The following AUTS2 variants were observed in gnomAD, a reference collection of about 807,000 sequenced individuals.
AUTS2 encodes activator of transcription and developmental regulator AUTS2.
A neutral mutation model predicts 112.4 loss-of-function variants in AUTS2; 17 were observed. That is an observed-to-expected ratio of 0.15 (90% CI 0.10 to 0.23). The LOEUF (loss-of-function observed/expected upper bound fraction) is 0.23, where lower values mean the gene tolerates loss of function less well. AUTS2 is among the 10% of genes least tolerant of loss of function. AUTS2 has a pLI of 1.00. For missense variants in AUTS2, 1,510 were observed against 1,701.6 expected (o/e 0.89, Z 1.98); for synonymous variants, 751 against 702.7 (o/e 1.07, Z -1.09).
chr7:70,318,315 C>T (rs1790094974), intron 4 of AUTS2, among the ~76,000 whole-genome samples: 1 of 151,832 alleles, frequency 6.6e-6, no homozygotes. Flanking sequence ...GTGTGAGGAG[C>T]AAGGACGTGG....
At chr7:69,996,645 C>T (rs1032316935) in intron 2 of AUTS2, among the ~76,000 whole-genome samples, 1 of 152,098 alleles carries the variant, frequency 6.6e-6, no homozygotes, top group Non-Finnish European at 1.5e-5. Context: ...CTTCCCTTTC[C>T]TTCCGTTCCA....
chr7:70,466,999 A>T (rs1485692320), intron 5 of AUTS2, among the ~76,000 whole-genome samples: 1 of 152,234 alleles, frequency 6.6e-6, no homozygotes, highest in Non-Finnish European at 1.5e-5. Context: ...CTTCTTGGAG[A>T]TCAAATAAGC....
chr7:70,354,435 GCATACTCTGTGC>G (rs1791901192), intron 4 of AUTS2, among the ~76,000 whole-genome samples: 1 of 152,194 alleles, frequency 6.6e-6, no homozygotes. Flanking sequence ...GCTACTAAGT[GCATACTCTGTGC>G]CAGGCTTTGT....
chr7:70,590,903 T>TG (rs1802911891), intron 5 of AUTS2, among the ~76,000 whole-genome samples: 2 of 152,236 alleles, frequency 1.3e-5, no homozygotes, highest in African/African-American at 2.4e-5. Flanking sequence ...AATGTTTCAT[T>TG]GTATTGATAT....
chr7:70,451,844 C>T (rs1282709316), intron 5 of AUTS2, among the ~76,000 whole-genome samples: 1 of 152,086 alleles, frequency 6.6e-6, no homozygotes, highest in Non-Finnish European at 1.5e-5. Flanking sequence ...AGCCTGAGAT[C>T]CTATTGCTTT....
intron 2 of AUTS2, among the ~76,000 whole-genome samples, chr7:69,922,439 A>C (rs1374226358): frequency 6.6e-6 from 1 of 152,256 alleles, no homozygotes; most frequent in Non-Finnish European, 1.5e-5. Flanking sequence ...GACTTTAGAA[A>C]TGGCTTAAGC....
At chr7:69,729,362 T>C (rs1399854276) in intron 1 of AUTS2, among the ~76,000 whole-genome samples, 1 of 151,532 alleles carries the variant, frequency 6.6e-6, no homozygotes, top group African/African-American at 2.4e-5. Context: ...AGAGAAAACT[T>C]ATCTTTAAGA....
At position 70,504,798 on chromosome 7, in the gene AUTS2, G is replaced by A. The variant is rs1311866639; in HGVS notation, c.690+69017G>A. ...CACAGGTTTTATTGTGAAATTGTCAGGAAGGATGAGGCATGTTTCACTCAT... is the reference window on the plus strand; with the variant it reads ...CACAGGTTTTATTGTGAAATTGTCAAGAAGGATGAGGCATGTTTCACTCAT... On this transcript the variant is annotated intron_variant, in intron 5 of 18. Coordinates refer to ENST00000342771, the MANE Select transcript of AUTS2 (RefSeq NM_015570.4). Among the ~76,000 whole-genome samples the A allele has an allele frequency of 2.0e-5, 3 of 152,156 alleles. No homozygotes were observed. The East Asian group carries it at 5.8e-4, about 29-fold the overall frequency.
At chr7:70,590,142 G>GTC (rs1802872136) in intron 5 of AUTS2, among the ~76,000 whole-genome samples, 1 of 121,212 alleles carries the variant, frequency 8.3e-6, no homozygotes, top group Non-Finnish European at 1.8e-5. Context: ...GTGTGTGTGT[G>GTC]TGTGTGTGTA....
At chr7:70,225,914 A>G (rs1239071754) in intron 4 of AUTS2, among the ~76,000 whole-genome samples, 2 of 152,154 alleles carry the variant, frequency 1.3e-5, no homozygotes, top group African/African-American at 2.4e-5. Context: ...TGTCCATCAA[A>G]ATCTTACAGT....
intron 1 of AUTS2, among the ~76,000 whole-genome samples, chr7:69,835,372 A>G (rs1791676475): frequency 1.3e-5 from 2 of 152,196 alleles, no homozygotes; most frequent in Non-Finnish European, 2.9e-5. Flanking sequence ...AGAAAATATC[A>G]TAAATAGATC....
At chr7:70,232,848 C>T (rs376425074) in intron 4 of AUTS2, among the ~76,000 whole-genome samples, 19 of 152,288 alleles carry the variant, frequency 1.2e-4, no homozygotes, top group African/African-American at 4.6e-4. Flanking sequence ...CTTGACAACA[C>T]AGGTAGCAGT....
intron 2 of AUTS2, among the ~76,000 whole-genome samples, chr7:69,982,175 A>C (rs1798321870): frequency 6.6e-6 from 1 of 152,206 alleles, no homozygotes; most frequent in South Asian, 2.1e-4. Flanking sequence ...GAGAGGAAAT[A>C]AACGGGTTTA....
chr7:69,667,478 C>T (rs1796114769), intron 1 of AUTS2, among the ~76,000 whole-genome samples: 1 of 151,466 alleles, frequency 6.6e-6, no homozygotes, highest in South Asian at 2.1e-4. Flanking sequence ...GCCTCAGCCT[C>T]CTGCGTAGTT....
At chr7:69,805,474 C>G (rs550813972) in intron 1 of AUTS2, among the ~76,000 whole-genome samples, 2 of 152,038 alleles carry the variant, frequency 1.3e-5, no homozygotes, top group African/African-American at 4.8e-5. Flanking sequence ...GCTTCATATC[C>G]TGAATAAAGT....
At chr7:70,225,709 T>C (rs1294455241) in intron 4 of AUTS2, among the ~76,000 whole-genome samples, 1 of 152,202 alleles carries the variant, frequency 6.6e-6, no homozygotes, top group Non-Finnish European at 1.5e-5. Flanking sequence ...ATATAAATTA[T>C]TAACTTAAGG....
chr7:70,699,917 CCAAAGGCAGGG>C (rs1422838802), intron 6 of AUTS2, among the ~76,000 whole-genome samples: 1 of 151,728 alleles, frequency 6.6e-6, no homozygotes, highest in Non-Finnish European at 1.5e-5. Context: ...GGGCAGGTCA[CCAAAGGCAGGG>C]CTTCTTCGTT....
rs899794693 is a variant in AUTS2 at position 70,786,047 on chromosome 7, C to A, written c.2308+9C>A. ...TGGAAATCCTTCCGTTAGTGAGTACCTCTAACTTTTAAAAATCTGCCTTGG... is the reference window on the plus strand; with the variant it reads ...TGGAAATCCTTCCGTTAGTGAGTACATCTAACTTTTAAAAATCTGCCTTGG... On this transcript the variant is annotated intron_variant, in intron 17 of 18. Coordinates refer to ENST00000342771, the MANE Select transcript of AUTS2 (RefSeq NM_015570.4). 1 of 1,611,802 alleles carries A rather than the reference C, an allele frequency of 6.2e-7. No individual in the cohort carries two copies. The highest frequency in any genetic ancestry group is 2.2e-5 in the East Asian group (1 of 44,864).
chr7:70,759,373 C>A (rs1789414974), intron 6 of AUTS2, among the ~76,000 whole-genome samples: 1 of 152,204 alleles, frequency 6.6e-6, no homozygotes, highest in Non-Finnish European at 1.5e-5. Flanking sequence ...ATGTGATCCT[C>A]ACATCAGCAG....
Sources: allele counts gnomAD v4.1 joint callset (sites outside exome capture counted in the v4.1 genomes callset), GRCh38; gene constraint gnomAD v4.1.1; transcripts MANE v1.5; gene names NCBI Gene and HGNC (gene_info 2026-07-23, HGNC 2026-07-21).